CTNNAL1: variants seen among roughly 807,000 people sequenced by gnomAD.
The protein encoded by CTNNAL1 is alpha-catulin.
CTNNAL1 carries 69 observed loss-of-function variants against 93.6 expected under a neutral mutation model. The observed-to-expected ratio is 0.74, with a 90% CI of 0.61 to 0.90. The LOEUF is 0.90. Ranked by LOEUF, CTNNAL1 falls within the 40% of genes least tolerant of loss-of-function variation. The probability of loss-of-function intolerance (pLI) is 0.00; values close to 1 mark genes in which losing one functional copy is unlikely to be tolerated. For missense variants in CTNNAL1, 836 were observed against 862.0 expected, an observed-to-expected ratio of 0.97 and a Z score of 0.38; for synonymous variants, 286 against 305.4, an observed-to-expected ratio of 0.94 and a Z score of 0.66.
rs201971202 is a variant in CTNNAL1, at chr9:108,942,750, A to C, written c.*19T>G. ...AGCTTCATCACATGATGTTCCAGAG[A>C]TCTGACCCCAAAAGCTTCTCAAGTT... On this transcript the variant is annotated 3_prime_UTR_variant, in exon 19 of 19. Coordinates refer to ENST00000325551, the MANE Select transcript of CTNNAL1 (RefSeq NM_003798.4). 1.9e-5 allele frequency: 28 copies of C among 1,495,508 alleles called. 1 individual carries two copies. The African/African-American group carries it at 2.9e-4, about 15-fold the overall frequency. 92.6% of individuals were successfully genotyped at this position (1,495,508 alleles called of 1,614,324 possible).
At chr9:108,970,062 TA>T (rs1432708009) in intron 10 of CTNNAL1, among the ~76,000 whole-genome samples, 1 of 152,264 alleles carries the variant, frequency 6.6e-6, no homozygotes, top group East Asian at 1.9e-4. Context: ...ATTTGAATCT[TA>T]GGTTGAAATG....
At chr9:108,948,328 C>A in intron 14 of CTNNAL1, 94 bp from the exon 15 acceptor site, 3 of 1,205,308 alleles carry the variant, frequency 2.5e-6, no homozygotes, top group Non-Finnish European at 3.5e-6. Context: ...TGTGTATTAA[C>A]AAATCCTAAA....
intron 1 of CTNNAL1, among the ~76,000 whole-genome samples, chr9:109,008,511 GC>G (rs1827106335): frequency 6.6e-6 from 1 of 152,180 alleles, no homozygotes; most frequent in African/African-American, 2.4e-5. Context: ...GAGTGGAATT[GC>G]TGGGCCACAG....
intron 10 of CTNNAL1, among the ~76,000 whole-genome samples, chr9:108,969,201 C>T (rs1183175475): frequency 6.6e-6 from 1 of 151,296 alleles, no homozygotes; most frequent in South Asian, 2.1e-4. Flanking sequence ...ACCTAGGAGG[C>T]GGAGGTTGCA....
At chr9:108,961,358 T>A (rs1026351511) in intron 11 of CTNNAL1, among the ~76,000 whole-genome samples, 1 of 152,094 alleles carries the variant, frequency 6.6e-6, no homozygotes, top group African/African-American at 2.4e-5. Context: ...ATGGACTTCT[T>A]TGAGGAAAAA....
At chr9:108,961,265 AGG>A (rs1830815144) in intron 11 of CTNNAL1, among the ~76,000 whole-genome samples, 1 of 152,232 alleles carries the variant, frequency 6.6e-6, no homozygotes, top group Admixed American at 6.5e-5. Flanking sequence ...GGTAATGAGC[AGG>A]TTTGTCACAT....
intron 8 of CTNNAL1, 31 bp from the exon 9 acceptor site, chr9:108,972,864 G>GGGGGGGAA: frequency 5.6e-5 from 8 of 142,588 alleles, no homozygotes; most frequent in South Asian, 1.2e-4. Flanking sequence ...GGGGGGGTGG[G>GGGGGGGAA]AGGGTGGAGA....
chr9:109,005,334 G>A (rs1456025005), intron 1 of CTNNAL1, among the ~76,000 whole-genome samples: 3 of 152,086 alleles, frequency 2.0e-5, no homozygotes, highest in African/African-American at 7.2e-5. Flanking sequence ...GCAGTGGAAA[G>A]GAGTTTAAGT....
intron 8 of CTNNAL1, among the ~76,000 whole-genome samples, chr9:108,975,940 C>G (rs1831255070): frequency 6.6e-6 from 1 of 152,102 alleles, no homozygotes; most frequent in African/African-American, 2.4e-5. Flanking sequence ...ATGAGATGAC[C>G]AATTTTTTAT....
chr9:108,969,869 G>T (rs1381010630), intron 10 of CTNNAL1, among the ~76,000 whole-genome samples: 1 of 152,082 alleles, frequency 6.6e-6, no homozygotes, highest in Admixed American at 6.5e-5. Context: ...AGAGGGTCTT[G>T]CTGTGTTGCC....
intron 1 of CTNNAL1, among the ~76,000 whole-genome samples, chr9:109,002,367 C>T (rs1479367503): frequency 6.6e-6 from 1 of 152,138 alleles, no homozygotes; most frequent in East Asian, 1.9e-4. Flanking sequence ...GATTAAGTTC[C>T]AACATATAAA....
At chr9:108,977,860 T>C (rs1831307985) in intron 7 of CTNNAL1, among the ~76,000 whole-genome samples, 1 of 152,232 alleles carries the variant, frequency 6.6e-6, no homozygotes, top group Non-Finnish European at 1.5e-5. Flanking sequence ...AAGCTATTTG[T>C]ACTTGTCTCA....
At position 108,976,993 on chromosome 9, in the gene CTNNAL1, AT is replaced by A. The variant is rs1447703869; in HGVS notation, c.1156del (p.Ile386SerfsTer24). The A allele has an allele frequency of 1.3e-6, 2 of 1,520,686 alleles. No individual in the cohort carries two copies. The highest frequency in any genetic ancestry group is 2.4e-5 in the East Asian group (1 of 41,168). The allele number at this position is 1,520,686 out of a possible 1,614,324, so 94.2% of individuals were successfully genotyped here. A position where few individuals can be genotyped will look rare whatever the true frequency, so the allele number is the denominator to read the frequency against. On this transcript the variant is annotated frameshift_variant, in exon 8 of 19. Transcript: ENST00000325551. LOFTEE classifies it high-confidence loss of function. ...AEELELSILK[I>X]SHSLNELKKE... is the part of the protein sequence containing the mutation. ...CTTAAGTTCATTAAGACTGTGACTG[AT>A]TTTCAAAATACTGAGTTCCAGTTCT...
chr9:108,992,170 T>G (rs1264580350), intron 3 of CTNNAL1: 2 of 636,558 alleles, frequency 3.1e-6, no homozygotes, highest in African/African-American at 3.6e-5. Context: ...TTCCAAATGT[T>G]GTACACATTT....
chr9:108,980,720 T>C (rs1831403082), intron 6 of CTNNAL1, among the ~76,000 whole-genome samples: 1 of 152,186 alleles, frequency 6.6e-6, no homozygotes, highest in Non-Finnish European at 1.5e-5. Flanking sequence ...TTAAATTTAT[T>C]TTATTAATTT....
At chr9:108,994,700 T>TA in intron 2 of CTNNAL1, among the ~76,000 whole-genome samples, 1 of 152,282 alleles carries the variant, frequency 6.6e-6, no homozygotes, top group South Asian at 2.1e-4. Flanking sequence ...CACCTACTGT[T>TA]ATTGACAACC....
At chr9:108,972,891 A>C in intron 8 of CTNNAL1, 58 bp from the exon 9 acceptor site, 1 of 1,465,748 alleles carries the variant, frequency 6.8e-7, no homozygotes, top group Non-Finnish European at 9.0e-7. Context: ...AGGGTGATGA[A>C]GGAAAGAAAA....
At chr9:109,002,241 G>A (rs2132206879) in intron 1 of CTNNAL1, among the ~76,000 whole-genome samples, 1 of 152,278 alleles carries the variant, frequency 6.6e-6, no homozygotes, top group East Asian at 1.9e-4. Flanking sequence ...TGTCTTCTGT[G>A]TCCTCACAAG....
chr9:108,963,134 T>C (rs1441532671), intron 11 of CTNNAL1, among the ~76,000 whole-genome samples: 1 of 152,222 alleles, frequency 6.6e-6, no homozygotes, highest in African/African-American at 2.4e-5. Flanking sequence ...GCTACCGTAA[T>C]TGCTACTCAG....
Sources: allele counts gnomAD v4.1 joint callset (sites outside exome capture counted in the v4.1 genomes callset), GRCh38; gene constraint gnomAD v4.1.1; transcripts MANE v1.5; gene names NCBI Gene and HGNC (gene_info 2026-07-23, HGNC 2026-07-21).